CLIC5: variants seen among roughly 807,000 people sequenced by gnomAD.
CLIC5 encodes the protein chloride intracellular channel protein 5.
A neutral mutation model predicts 24.7 loss-of-function variants in CLIC5; 20 were observed. The ratio of observed to expected loss-of-function variants is 0.81; its 90% CI spans 0.57 to 1.18. CLIC5 has a LOEUF of 1.18. Among genes scored for constraint, CLIC5 ranks in the 50% most tolerant of loss-of-function variants. The probability of loss-of-function intolerance (pLI) is 0.00; values close to 1 mark genes in which losing one functional copy is unlikely to be tolerated. For synonymous variants in CLIC5, 159 were observed against 135.6 expected (o/e 1.17, Z -1.20); for missense variants, 341 against 326.1 (o/e 1.05, Z -0.35).
intron 1 of CLIC5, among the ~76,000 whole-genome samples, chr6:46,025,869 C>A (rs1409515014): frequency 2.0e-5 from 3 of 152,100 alleles, no homozygotes; most frequent in Non-Finnish European, 2.9e-5. Flanking sequence ...GTGGCACTTC[C>A]CCCTTTGTTC....
chr6:45,945,554 G>A (rs1352369893), intron 3 of CLIC5, among the ~76,000 whole-genome samples: 5 of 152,140 alleles, frequency 3.3e-5, no homozygotes, highest in Non-Finnish European at 7.3e-5. Context: ...GGATGGAAGA[G>A]GGCCACCCTA....
At chr6:45,979,952 T>C (rs913146685) in intron 1 of CLIC5, among the ~76,000 whole-genome samples, 5 of 49,234 alleles carry the variant, frequency 1.0e-4, no homozygotes, top group African/African-American at 5.0e-4. Flanking sequence ...ACTTAGTCAC[T>C]TTTTTTTTTT....
intron 1 of CLIC5, among the ~76,000 whole-genome samples, chr6:46,012,523 A>G (rs937027582): frequency 1.3e-5 from 2 of 152,268 alleles, no homozygotes; most frequent in African/African-American, 4.8e-5. Context: ...GCATTCTATG[A>G]ACACATTAGA....
At position 46,055,636 on chromosome 6, in the gene CLIC5, C is replaced by G. The variant is rs529241072; in HGVS notation, c.540+24067G>C. Among the ~76,000 whole-genome samples the G allele has an allele frequency of 1.1e-3, 163 of 152,304 alleles. 1 individual carries two copies. Among genetic ancestry groups the G allele is most frequent in the African/African-American group, 3.8e-3 (158 of 41,554 alleles). ...AGCTGAAGACCTGTGAAGGCAAGAA[C>G]AGTGTCTTTTTCCCCCTCATGTCTC... On this transcript the variant is annotated intron_variant, in intron 1 of 5. Transcript: ENST00000185206.
chr6:46,113,861 G>T, the CLIC5 span, among the ~76,000 whole-genome samples: 1 of 152,192 alleles, frequency 6.6e-6, no homozygotes, highest in African/African-American at 2.4e-5. Flanking sequence ...ACCACATGAA[G>T]ATGGAGAGAA....
the CLIC5 span, among the ~76,000 whole-genome samples, chr6:46,085,547 C>G: frequency 1.3e-4 from 20 of 152,168 alleles, no homozygotes; most frequent in East Asian, 5.8e-4. Flanking sequence ...CACTCCAGAC[C>G]CTGTTTGCCT....
At chr6:46,019,972 T>A (rs919571352), upstream of CLIC5, among the ~76,000 whole-genome samples, 1 of 152,002 alleles carries the variant, frequency 6.6e-6, no homozygotes, top group African/African-American at 2.4e-5. Flanking sequence ...AGAATTATAG[T>A]TAGAGACTTC....
chr6:46,072,274 G>A (rs1453001341), intron 1 of CLIC5, among the ~76,000 whole-genome samples: 1 of 151,326 alleles, frequency 6.6e-6, no homozygotes, highest in Non-Finnish European at 1.5e-5. Flanking sequence ...GATCATTCCT[G>A]TGGCTAGGTG....
chr6:45,965,479 A>G (rs546624339), intron 1 of CLIC5, among the ~76,000 whole-genome samples: 33 of 152,214 alleles, frequency 2.2e-4, no homozygotes, highest in Non-Finnish European at 4.1e-4. Context: ...TGTTCTCTCA[A>G]CATCCGGAAA....
intron 5 of CLIC5, chr6:45,912,334 A>G: frequency 9.8e-7 from 1 of 1,021,234 alleles, no homozygotes; most frequent in Non-Finnish European, 1.2e-6. Context: ...CTCTGGGTTA[A>G]CCACCCACTG....
chr6:45,986,280 C>T (rs944142887), intron 1 of CLIC5, among the ~76,000 whole-genome samples: 1 of 152,172 alleles, frequency 6.6e-6, no homozygotes, highest in African/African-American at 2.4e-5. Flanking sequence ...TTTGGTGTAA[C>T]AGGAATGCAG....
At chr6:46,034,303 A>G (rs1407193757) in intron 1 of CLIC5, among the ~76,000 whole-genome samples, 5 of 152,262 alleles carry the variant, frequency 3.3e-5, no homozygotes, top group African/African-American at 1.2e-4. Context: ...AACTTGCACC[A>G]AAGTGGAGAC....
intron 4 of CLIC5, among the ~76,000 whole-genome samples, chr6:45,914,866 G>A (rs183621345): frequency 2.6e-4 from 39 of 151,004 alleles, no homozygotes; most frequent in East Asian, 1.2e-3. Flanking sequence ...CAAGAGAATC[G>A]CTTGAACCCA....
chr6:45,989,848 T>A (rs1415761083), intron 1 of CLIC5, among the ~76,000 whole-genome samples: 3 of 152,208 alleles, frequency 2.0e-5, no homozygotes, highest in Non-Finnish European at 4.4e-5. Flanking sequence ...AGGACATTGA[T>A]GGCTAAACTC....
At chr6:45,982,296 T>C (rs142779676) in intron 1 of CLIC5, among the ~76,000 whole-genome samples, 11 of 152,256 alleles carry the variant, frequency 7.2e-5, no homozygotes, top group South Asian at 2.1e-4. Flanking sequence ...GGACTCAGTG[T>C]CCTCATGAAT....
At chr6:46,124,003 C>G in the CLIC5 span, among the ~76,000 whole-genome samples, 1 of 152,132 alleles carries the variant, frequency 6.6e-6, no homozygotes, top group African/African-American at 2.4e-5. Context: ...AATGGCCATA[C>G]TGCCCAAGGT....
chr6:45,927,326 A>C (rs1294774514), intron 4 of CLIC5, among the ~76,000 whole-genome samples: 2 of 152,296 alleles, frequency 1.3e-5, no homozygotes, highest in Non-Finnish European at 2.9e-5. Flanking sequence ...CTGGACCAAC[A>C]GTGTCCGAAT....
At chr6:45,997,275 A>G (rs1234371817) in intron 1 of CLIC5, among the ~76,000 whole-genome samples, 2 of 147,944 alleles carry the variant, frequency 1.4e-5, no homozygotes, top group South Asian at 2.2e-4. Context: ...AACACCGCAT[A>G]TTCTCACTCA....
chr6:45,913,126 C>T (rs1472209793), intron 5 of CLIC5, among the ~76,000 whole-genome samples: 1 of 152,220 alleles, frequency 6.6e-6, no homozygotes, highest in Non-Finnish European at 1.5e-5. Flanking sequence ...AAGACTTACA[C>T]CAGGTGATCA....
Sources: allele counts gnomAD v4.1 joint callset (sites outside exome capture counted in the v4.1 genomes callset), GRCh38; gene constraint gnomAD v4.1.1; transcripts MANE v1.5; gene names NCBI Gene and HGNC (gene_info 2026-07-23, HGNC 2026-07-21).